Variants in EPHA6 observed in about 807,000 individuals in gnomAD.
EPHA6 encodes EPH receptor A6.
EPHA6 carries 50 observed loss-of-function variants against 112.0 expected under a neutral mutation model. The ratio of observed to expected loss-of-function variants is 0.45; its 90% confidence interval spans 0.36 to 0.56. EPHA6 has a LOEUF of 0.56. Ranked by LOEUF, EPHA6 falls within the 20% of genes least tolerant of loss-of-function variation. EPHA6 has a pLI of 0.00. For synonymous variants in EPHA6, 529 were observed against 490.7 expected (o/e 1.08, Z -1.03); for missense variants, 1,280 against 1,417.4 (o/e 0.90, Z 1.56).
chr3:97,250,157 C>T (rs749865809), intron 5 of EPHA6, among the ~76,000 whole-genome samples: 11 of 152,124 alleles, frequency 7.2e-5, no homozygotes, highest in African/African-American at 1.2e-4. Context: ...AGCAGGAATA[C>T]GTCTGGAAAG....
intron 12 of EPHA6, among the ~76,000 whole-genome samples, chr3:97,596,777 C>CATATATATATATATATAT (rs57541953): frequency 1.5e-4 from 16 of 106,202 alleles, no homozygotes; most frequent in South Asian, 6.8e-4. Flanking sequence ...AACTCATATA[C>CATATATATATATATATAT]ATATATATAT....
chr3:96,989,270 G>A (rs927563984), intron 3 of EPHA6, among the ~76,000 whole-genome samples: 10 of 152,048 alleles, frequency 6.6e-5, no homozygotes, highest in African/African-American at 9.7e-5. Flanking sequence ...TTAGAAGTTC[G>A]CTCAAGCTGC....
chr3:97,192,340 C>T (rs565832935), intron 3 of EPHA6, among the ~76,000 whole-genome samples: 103 of 152,124 alleles, frequency 6.8e-4, no homozygotes, highest in African/African-American at 2.3e-3. Context: ...GCCATGTTGG[C>T]CAGGCTGGTC....
intron 14 of EPHA6, among the ~76,000 whole-genome samples, chr3:97,690,696 G>T (rs1468285393): frequency 6.6e-6 from 1 of 152,138 alleles, no homozygotes; most frequent in Admixed American, 6.5e-5. Context: ...TCGAACTCCT[G>T]ACCTCAGGTG....
chr3:97,175,651 T>C (rs1359863466), intron 3 of EPHA6, among the ~76,000 whole-genome samples: 1 of 151,886 alleles, frequency 6.6e-6, no homozygotes, highest in Non-Finnish European at 1.5e-5. Flanking sequence ...GTGTGGCTAT[T>C]GTAAATGTAA....
At chr3:97,252,274 C>A (rs2079164116) in intron 5 of EPHA6, among the ~76,000 whole-genome samples, 1 of 152,078 alleles carries the variant, frequency 6.6e-6, no homozygotes, top group African/African-American at 2.4e-5. Context: ...AGGGCCCTGC[C>A]TCAGGACTCC....
intron 3 of EPHA6, among the ~76,000 whole-genome samples, chr3:97,073,736 C>A (rs967711514): frequency 6.6e-6 from 1 of 151,866 alleles, no homozygotes; most frequent in African/African-American, 2.4e-5. Context: ...TGCAGAATAG[C>A]CTATGCATCT....
chr3:97,405,765 A>G (rs1238299221), intron 6 of EPHA6, among the ~76,000 whole-genome samples: 1 of 152,148 alleles, frequency 6.6e-6, no homozygotes, highest in Non-Finnish European at 1.5e-5. Flanking sequence ...CACTTTCTTT[A>G]CATTCAGGTT....
chr3:97,739,497 T>C (rs1367553662), intron 16 of EPHA6, among the ~76,000 whole-genome samples: 1 of 152,104 alleles, frequency 6.6e-6, no homozygotes, highest in South Asian at 2.1e-4. Context: ...AATAATTTTA[T>C]ACTAACATAT....
intron 1 of EPHA6, among the ~76,000 whole-genome samples, chr3:96,829,945 GCGCGCACA>G (rs1249606479): frequency 1.1e-5 from 1 of 86,968 alleles, no homozygotes; most frequent in South Asian, 5.3e-4. Context: ...ATGTGCGCGC[GCGCGCACA>G]CACACACACA....
intron 1 of EPHA6, among the ~76,000 whole-genome samples, chr3:96,848,787 G>C (rs548904572): frequency 1.3e-5 from 2 of 152,134 alleles, no homozygotes; most frequent in African/African-American, 4.8e-5. Flanking sequence ...TTTCATTCCA[G>C]ACTAGAGTTT....
At chr3:96,842,887 T>C (rs1410627287) in intron 1 of EPHA6, among the ~76,000 whole-genome samples, 1 of 152,106 alleles carries the variant, frequency 6.6e-6, no homozygotes, top group Admixed American at 6.6e-5. Flanking sequence ...CTGTTTACTC[T>C]TGATGTATAT....
chr3:97,182,790 G>C (rs1362991165), intron 3 of EPHA6, among the ~76,000 whole-genome samples: 1 of 152,092 alleles, frequency 6.6e-6, no homozygotes, highest in Non-Finnish European at 1.5e-5. Context: ...AAGTAGTGTA[G>C]AACTAGTTCA....
At chr3:97,579,734 A>G (rs2093420363) in intron 11 of EPHA6, among the ~76,000 whole-genome samples, 1 of 152,226 alleles carries the variant, frequency 6.6e-6, no homozygotes, top group Admixed American at 6.5e-5. Flanking sequence ...TCAAATATAA[A>G]CAAAAGAGCA....
chr3:96,949,133 A>G (rs1219896508), intron 2 of EPHA6, among the ~76,000 whole-genome samples: 1 of 152,216 alleles, frequency 6.6e-6, no homozygotes, highest in Non-Finnish European at 1.5e-5. Flanking sequence ...TTACAAGTGT[A>G]CATCAGGTCG....
At chr3:97,073,074 G>A (rs1375210459) in intron 3 of EPHA6, among the ~76,000 whole-genome samples, 1 of 152,128 alleles carries the variant, frequency 6.6e-6, no homozygotes, top group Non-Finnish European at 1.5e-5. Context: ...CGTTTCTTCT[G>A]TTATCCTTTT....
intron 13 of EPHA6, among the ~76,000 whole-genome samples, chr3:97,614,100 ATTGTTTT>A (rs550755202): frequency 5.3e-5 from 8 of 152,134 alleles, no homozygotes; most frequent in South Asian, 2.1e-4. Context: ...ATACTTTAAC[ATTGTTTT>A]TTGTTTTTTG....
At chr3:97,433,012 T>C (rs1467430195) in intron 6 of EPHA6, among the ~76,000 whole-genome samples, 1 of 152,170 alleles carries the variant, frequency 6.6e-6, no homozygotes, top group African/African-American at 2.4e-5. Flanking sequence ...TTAGAAACTA[T>C]AAAAGAATTA....
chr3:97,523,227 T>G (rs1218664167), intron 10 of EPHA6, among the ~76,000 whole-genome samples: 1 of 152,106 alleles, frequency 6.6e-6, no homozygotes, highest in Non-Finnish European at 1.5e-5. Context: ...TATGTTGTAT[T>G]TTCATTTTCA....
Sources: gnomAD v4.1 joint callset for allele counts (sites outside exome capture counted in the v4.1 genomes callset) on GRCh38, gnomAD v4.1.1 for gene constraint, MANE v1.5 for transcripts, NCBI Gene and HGNC (gene_info 2026-07-23, HGNC 2026-07-21) for gene names.